DOK6: variants seen among roughly 807,000 people sequenced by gnomAD.
DOK6 encodes docking protein 6.
DOK6 carries 22 observed loss-of-function variants against 44.0 expected under a neutral mutation model. That is an observed-to-expected ratio of 0.50 (90% CI 0.36 to 0.71). DOK6 has a LOEUF of 0.71. DOK6 is among the 30% of genes least tolerant of loss of function. DOK6 has a pLI of 0.00. For missense variants in DOK6, 340 were observed against 416.4 expected (o/e 0.82, Z 1.60); for synonymous variants, 166 against 145.5 (o/e 1.14, Z -1.01).
At chr18:69,828,642 TAA>T (rs1981810318) in intron 7 of DOK6, among the ~76,000 whole-genome samples, 3 of 151,482 alleles carry the variant, frequency 2.0e-5, no homozygotes, top group African/African-American at 7.2e-5. Context: ...CAAATTATTA[TAA>T]ACTACATTAT....
At chr18:69,628,614 G>A (rs546755789) in intron 3 of DOK6, among the ~76,000 whole-genome samples, 1 of 152,134 alleles carries the variant, frequency 6.6e-6, no homozygotes, top group Non-Finnish European at 1.5e-5. Context: ...GAGGGATATG[G>A]TATGAAACTT....
intron 3 of DOK6, among the ~76,000 whole-genome samples, chr18:69,602,098 G>T (rs1014382309): frequency 6.6e-6 from 1 of 152,308 alleles, no homozygotes; most frequent in East Asian, 1.9e-4. Flanking sequence ...AGGAGGTGGA[G>T]CATGACTCCC....
At chr18:69,424,056 A>G (rs1181545885) in intron 1 of DOK6, among the ~76,000 whole-genome samples, 1 of 152,194 alleles carries the variant, frequency 6.6e-6, no homozygotes, top group Non-Finnish European at 1.5e-5. Context: ...GAAATGTAAT[A>G]GTTTTGATAT....
chr18:69,424,428 G>A (rs1392839), intron 1 of DOK6, among the ~76,000 whole-genome samples: 93,686 of 151,958 alleles, frequency 0.62, 29,100 homozygotes, highest in South Asian at 0.74. Flanking sequence ...ATTTCTTCAC[G>A]GCTATTGATT....
At chr18:69,545,516 CAAAAAA>C (rs397760145) in intron 1 of DOK6, among the ~76,000 whole-genome samples, 1 of 69,576 alleles carries the variant, frequency 1.4e-5, no homozygotes, top group African/African-American at 3.8e-5. Context: ...AGTGAAATAC[CAAAAAA>C]AAAAAAAAAA....
At chr18:69,666,209 A>G (rs1462230348) in intron 3 of DOK6, among the ~76,000 whole-genome samples, 1 of 152,196 alleles carries the variant, frequency 6.6e-6, no homozygotes, top group Non-Finnish European at 1.5e-5. Flanking sequence ...TATGCTGATA[A>G]GTTTGTTAAT....
intron 5 of DOK6, among the ~76,000 whole-genome samples, chr18:69,712,692 C>T (rs759344279): frequency 1.9e-4 from 29 of 152,090 alleles, no homozygotes; most frequent in Non-Finnish European, 3.7e-4. Context: ...ACTAAAAATA[C>T]ATAAGTTAGC....
chr18:69,468,925 A>G (rs190319249), intron 1 of DOK6, among the ~76,000 whole-genome samples: 2 of 152,242 alleles, frequency 1.3e-5, no homozygotes, highest in Non-Finnish European at 2.9e-5. Context: ...ACTGTGACAC[A>G]CTTCAGAGTA....
intron 1 of DOK6, among the ~76,000 whole-genome samples, chr18:69,402,671 C>G (rs1161381460): frequency 6.6e-6 from 1 of 152,154 alleles, no homozygotes; most frequent in Non-Finnish European, 1.5e-5. Flanking sequence ...TTCAGCAGCT[C>G]TGTAGTAGGC....
chr18:69,562,275 T>G (rs2144596195), intron 1 of DOK6, among the ~76,000 whole-genome samples: 1 of 152,226 alleles, frequency 6.6e-6, no homozygotes, highest in African/African-American at 2.4e-5. Context: ...TAATTAGTAG[T>G]CTGGGTTTTT....
At chr18:69,501,733 T>C (rs1891668920) in intron 1 of DOK6, among the ~76,000 whole-genome samples, 1 of 152,138 alleles carries the variant, frequency 6.6e-6, no homozygotes, top group Admixed American at 6.5e-5. Flanking sequence ...ATGAAACACT[T>C]ATGTCAGTTC....
intron 5 of DOK6, among the ~76,000 whole-genome samples, chr18:69,711,531 A>C (rs1392164518): frequency 1.3e-5 from 2 of 152,234 alleles, no homozygotes; most frequent in East Asian, 3.8e-4. Context: ...ATCTACTTGG[A>C]TTACAATTAG....
chr18:69,827,929 G>A (rs753113563), intron 7 of DOK6, among the ~76,000 whole-genome samples: 20 of 151,646 alleles, frequency 1.3e-4, no homozygotes, highest in Admixed American at 7.9e-4. Flanking sequence ...TTAATATATC[G>A]TTTTAAGAAC....
chr18:69,401,436 A>T, intron 1 of DOK6, 126 bp downstream of exon 1: 7 of 1,040,628 alleles, frequency 6.7e-6, no homozygotes, highest in Non-Finnish European at 8.8e-6. Flanking sequence ...CCTTAGGCGG[A>T]TGGCCCGCTT....
At chr18:69,426,329 ATTTG>A (rs776598299) in intron 1 of DOK6, among the ~76,000 whole-genome samples, 9 of 152,168 alleles carry the variant, frequency 5.9e-5, no homozygotes, top group Non-Finnish European at 1.2e-4. Flanking sequence ...GCATTTTAGG[ATTTG>A]TTTATTAACT....
chr18:69,683,341 T>C (rs549665278), intron 4 of DOK6, among the ~76,000 whole-genome samples: 1 of 152,344 alleles, frequency 6.6e-6, no homozygotes, highest in South Asian at 2.1e-4. Flanking sequence ...ATTGTGTCCC[T>C]TCCAAGAAGA....
chr18:69,509,637 CAAA>C (rs1183367298), intron 1 of DOK6, among the ~76,000 whole-genome samples: 1 of 33,990 alleles, frequency 2.9e-5, no homozygotes. Context: ...GGCTCTGTCT[CAAA>C]AAAAAAAAAA....
chr18:69,781,555 A>G (rs954937154), intron 7 of DOK6: 1 of 152,202 alleles, frequency 6.6e-6, no homozygotes, highest in Admixed American at 6.5e-5. Context: ...AAAGCTTATG[A>G]AAAGTACTCT....
chr18:69,629,944 G>A lies in DOK6; in HGVS notation c.289+30446G>A, dbSNP rs538648733. ...TATCTGGGATTACAGGTGCTAATTT[G>A]TAGTAGAGATGGGGTTTCACCGCGT... On this transcript the variant is annotated intron_variant, in intron 3 of 7. Coordinates refer to ENST00000382713, the MANE Select transcript of DOK6 (RefSeq NM_152721.6). Among the ~76,000 whole-genome samples the A allele has an allele frequency of 4.5e-4, 68 of 151,828 alleles. No homozygotes were observed. The South Asian group carries it at 0.014, about 31-fold the overall frequency.
Sources: gnomAD v4.1 joint callset for allele counts (sites outside exome capture counted in the v4.1 genomes callset) on GRCh38, gnomAD v4.1.1 for gene constraint, MANE v1.5 for transcripts, NCBI Gene and HGNC (gene_info 2026-07-23, HGNC 2026-07-21) for gene names.